DMGDH: variants seen among roughly 807,000 people sequenced by gnomAD.
DMGDH encodes the protein dimethylglycine dehydrogenase.
DMGDH carries 76 observed loss-of-function variants against 95.2 expected under a neutral mutation model. That is an observed-to-expected ratio of 0.80 (90% CI 0.66 to 0.97). DMGDH has a LOEUF of 0.97. Among genes scored for constraint, DMGDH ranks in the 50% least tolerant of loss-of-function variants. The pLI is 0.00. For synonymous variants in DMGDH, 345 were observed against 377.6 expected, an observed-to-expected ratio of 0.91 and a Z score of 1.00; for missense variants, 987 against 1,055.0, an observed-to-expected ratio of 0.94 and a Z score of 0.89.
chr5:79,004,282 T>A (rs988246628), intron 15 of DMGDH, among the ~76,000 whole-genome samples: 1 of 152,246 alleles, frequency 6.6e-6, no homozygotes, highest in Non-Finnish European at 1.5e-5. Flanking sequence ...TAGTTCTTTG[T>A]CAAATTGACC....
chr5:79,039,231 T>A (rs1754433213), intron 7 of DMGDH, among the ~76,000 whole-genome samples: 1 of 152,078 alleles, frequency 6.6e-6, no homozygotes, highest in South Asian at 2.1e-4. Context: ...GGACTATAAA[T>A]CATGCTGCTA....
At chr5:79,000,018 G>A (rs546950262) in intron 15 of DMGDH, 19 of 284,254 alleles carry the variant, frequency 6.7e-5, no homozygotes, top group East Asian at 3.1e-4. Flanking sequence ...TAATATTTAC[G>A]CTAACAAATA....
intron 14 of DMGDH, among the ~76,000 whole-genome samples, chr5:79,013,313 T>G (rs766897981): frequency 1.2e-4 from 18 of 152,192 alleles, no homozygotes; most frequent in Admixed American, 3.3e-4. Context: ...AAAGTGACCT[T>G]TATTCCCATT....
At position 79,044,341 on chromosome 5, in the gene DMGDH, T is replaced by A; in HGVS notation, c.957A>T (p.Lys319Asn). The A allele has an allele frequency of 1.2e-6, 2 of 1,614,172 alleles. No individual in the cohort carries two copies. The highest frequency in any genetic ancestry group is 1.7e-6 in the Non-Finnish European group (2 of 1,180,012). The change falls in exon 6 of 16, where the codon AAA becomes AAT. Residue 319 changes from lysine (K) to asparagine (N), a missense_variant. Physicochemically the swap from Lys to Asn is moderately conservative, Grantham distance 94 (BLOSUM62 0). Transcript: ENST00000255189. The part of the protein sequence containing the change: ...FGPYESQEKM[K>N]VQDSWVTNGV... ...CATTGGTGACCCAGGAGTCCTGAAC[T>A]TTCATTTTCTCTTGACTTTCATATG...
At position 79,033,260 on chromosome 5, in the gene DMGDH, A is replaced by T; in HGVS notation, c.1342T>A (p.Ser448Thr). 1 of 1,614,144 alleles carries T rather than the reference A, an allele frequency of 6.2e-7. No homozygotes were observed. Among genetic ancestry groups the T allele is most frequent in the East Asian group, 2.2e-5 (1 of 44,866 alleles). ...TQYTEAKARE[S>T]YGFNNIVGYP... ...TTACCAATATTGTTGAATCCATATG[A>T]TTCTCTTGCTTTGGCCTCAGTGTAC... The change falls in exon 8 of 16, where the codon TCA (serine) becomes ACA (threonine). Residue 448 changes from serine to threonine, a missense_variant. Transcript: ENST00000255189.
intron 14 of DMGDH, chr5:79,021,180 C>T (rs1753857553): frequency 1.0e-6 from 1 of 990,986 alleles, no homozygotes; most frequent in Non-Finnish European, 1.2e-6. Flanking sequence ...AGTGGCTCTA[C>T]GGAGCACTTC....
intron 15 of DMGDH, chr5:79,000,471 T>G: frequency 1.6e-6 from 1 of 615,406 alleles, no homozygotes; most frequent in South Asian, 1.4e-5. Flanking sequence ...GATCAAAGTC[T>G]GCCTGAAAAG....
chr5:79,021,837 G>C (rs1486447656), intron 14 of DMGDH, among the ~76,000 whole-genome samples: 2 of 152,166 alleles, frequency 1.3e-5, no homozygotes, highest in East Asian at 3.9e-4. Context: ...GGACTTTGTG[G>C]GGGAAAGTGG....
At chr5:79,015,631 G>GACA (rs1753718380) in intron 14 of DMGDH, among the ~76,000 whole-genome samples, 1 of 152,212 alleles carries the variant, frequency 6.6e-6, no homozygotes, top group African/African-American at 2.4e-5. Context: ...AACATATGTT[G>GACA]TATGGCCAGC....
chr5:79,007,271 G>T (rs920620313), intron 14 of DMGDH, among the ~76,000 whole-genome samples: 2 of 152,186 alleles, frequency 1.3e-5, no homozygotes, highest in East Asian at 1.9e-4. Context: ...TTAAGCTGTG[G>T]AGGTCCACTT....
intron 9 of DMGDH, 133 bp from the exon 10 acceptor site, chr5:79,031,131 G>A: frequency 1.1e-6 from 1 of 873,200 alleles, no homozygotes; most frequent in Non-Finnish European, 1.8e-6. Context: ...TGGGAGGCGA[G>A]ACCATGCAAC....
intron 4 of DMGDH, among the ~76,000 whole-genome samples, chr5:79,053,591 A>C (rs961955570): frequency 7.2e-5 from 11 of 152,152 alleles, no homozygotes; most frequent in Non-Finnish European, 5.9e-5. Flanking sequence ...ACTGGTACAT[A>C]AATATGTGCT....
chr5:79,009,677 C>T (rs1342859123), intron 14 of DMGDH, among the ~76,000 whole-genome samples: 1 of 152,126 alleles, frequency 6.6e-6, no homozygotes, highest in African/African-American at 2.4e-5. Flanking sequence ...TGGAACACTT[C>T]AATAAGTGCC....
chr5:79,018,929 T>C (rs1399852127), intron 14 of DMGDH, among the ~76,000 whole-genome samples: 1 of 152,212 alleles, frequency 6.6e-6, no homozygotes, highest in Non-Finnish European at 1.5e-5. Flanking sequence ...AGCTAGGTTT[T>C]ACTTCTTTCC....
intron 13 of DMGDH, among the ~76,000 whole-genome samples, chr5:79,025,014 T>C (rs1376244881): frequency 6.6e-6 from 1 of 152,270 alleles, no homozygotes; most frequent in East Asian, 1.9e-4. Flanking sequence ...GAAAGTACGC[T>C]TGTTTTATAT....
intron 15 of DMGDH, chr5:79,001,031 A>G (rs1753444156): frequency 2.9e-6 from 2 of 695,916 alleles, no homozygotes; most frequent in East Asian, 5.1e-5. Flanking sequence ...CACAGTCATC[A>G]ATGACACACC....
chr5:79,023,741 T>A (rs1375612500), intron 14 of DMGDH, among the ~76,000 whole-genome samples: 1 of 152,244 alleles, frequency 6.6e-6, no homozygotes, highest in African/African-American at 2.4e-5. Context: ...TTAATACCCA[T>A]TTTATGCCGA....
At chr5:79,030,725 G>C in intron 10 of DMGDH, 108 bp downstream of exon 10, 1 of 1,132,788 alleles carries the variant, frequency 8.8e-7, no homozygotes, top group African/African-American at 1.5e-5. Flanking sequence ...GTCAGTTGAA[G>C]AGTTCTAGTG....
At chr5:79,050,885 TGAGA>T (rs899843236) in intron 5 of DMGDH, among the ~76,000 whole-genome samples, 1 of 152,108 alleles carries the variant, frequency 6.6e-6, no homozygotes, top group Admixed American at 6.5e-5. Context: ...CAGAAATGGA[TGAGA>T]GAGAACCCAA....
Sources: gnomAD v4.1 joint callset for allele counts (sites outside exome capture counted in the v4.1 genomes callset) on GRCh38, gnomAD v4.1.1 for gene constraint, MANE v1.5 for transcripts, NCBI Gene and HGNC (gene_info 2026-07-23, HGNC 2026-07-21) for gene names.